Variants in PXDNL observed in about 807,000 individuals in gnomAD.
PXDNL encodes the protein probable oxidoreductase PXDNL.
PXDNL carries 145 observed loss-of-function variants against 150.8 expected under a neutral mutation model. That is an observed-to-expected ratio of 0.96 (90% CI 0.84 to 1.10). The LOEUF (loss-of-function observed/expected upper bound fraction) is 1.10. Among genes scored for constraint, PXDNL ranks in the 50% least tolerant of loss-of-function variants. The pLI, the probability that PXDNL is intolerant of heterozygous loss-of-function variation, is 0.00. For missense variants in PXDNL, 2,087 were observed against 1,873.9 expected, an observed-to-expected ratio of 1.11 and a Z score of -2.10; for synonymous variants, 757 against 725.7, an observed-to-expected ratio of 1.04 and a Z score of -0.69.
At chr8:51,397,407 AT>A (rs1808113032) in intron 17 of PXDNL, among the ~76,000 whole-genome samples, 1 of 152,192 alleles carries the variant, frequency 6.6e-6, no homozygotes, top group Non-Finnish European at 1.5e-5. Flanking sequence ...GCCACAGGAA[AT>A]ATAATACCTC....
At chr8:51,712,145 T>C (rs1816515743) in intron 1 of PXDNL, among the ~76,000 whole-genome samples, 1 of 152,210 alleles carries the variant, frequency 6.6e-6, no homozygotes, top group Non-Finnish European at 1.5e-5. Flanking sequence ...TGTCATTGTC[T>C]GGGTGTGGTA....
chr8:51,463,269 C>A (rs1810124411), intron 8 of PXDNL, among the ~76,000 whole-genome samples: 1 of 152,128 alleles, frequency 6.6e-6, no homozygotes, highest in African/African-American at 2.4e-5. Context: ...ATCAAAACAT[C>A]ACATATCAAT....
At chr8:51,723,796 C>T (rs1354520160) in intron 1 of PXDNL, among the ~76,000 whole-genome samples, 1 of 151,994 alleles carries the variant, frequency 6.6e-6, no homozygotes, top group Non-Finnish European at 1.5e-5. Flanking sequence ...AGGGAGGGGG[C>T]GCGGTCAGGC....
intron 19 of PXDNL, among the ~76,000 whole-genome samples, chr8:51,369,399 A>C (rs1162720815): frequency 6.6e-6 from 1 of 152,346 alleles, no homozygotes; most frequent in East Asian, 1.9e-4. Context: ...TAAGAAGCCC[A>C]TCCCATAAGA....
chr8:51,538,618 T>G (rs1049364578), intron 4 of PXDNL, among the ~76,000 whole-genome samples: 1 of 151,882 alleles, frequency 6.6e-6, no homozygotes, highest in African/African-American at 2.4e-5. Flanking sequence ...ATACAAAAAA[T>G]TAGGCGAGTC....
chr8:51,647,156 G>C (rs1159102378), intron 2 of PXDNL, among the ~76,000 whole-genome samples: 3 of 152,058 alleles, frequency 2.0e-5, no homozygotes, highest in Non-Finnish European at 4.4e-5. Flanking sequence ...CAAATGATAA[G>C]AAGTCTCTAA....
At chr8:51,399,181 A>C (rs1255528895) in intron 17 of PXDNL, among the ~76,000 whole-genome samples, 2 of 152,204 alleles carry the variant, frequency 1.3e-5, no homozygotes, top group Non-Finnish European at 2.9e-5. Flanking sequence ...GCAGTTTCTT[A>C]TAAAGTTAAA....
intron 1 of PXDNL, among the ~76,000 whole-genome samples, chr8:51,765,123 T>C (rs555785496): frequency 4.6e-5 from 7 of 152,208 alleles, no homozygotes; most frequent in South Asian, 2.1e-4. Flanking sequence ...GGTTACTACT[T>C]GCACGGTTGA....
chr8:51,768,394 G>A (rs766788427), intron 1 of PXDNL, among the ~76,000 whole-genome samples: 5 of 151,870 alleles, frequency 3.3e-5, no homozygotes, highest in Non-Finnish European at 7.4e-5. Context: ...TGATAATTAA[G>A]GCTTTATATG....
chr8:51,567,365 C>T (rs1812849739), intron 3 of PXDNL, among the ~76,000 whole-genome samples: 1 of 151,792 alleles, frequency 6.6e-6, no homozygotes, highest in Non-Finnish European at 1.5e-5. Flanking sequence ...CTGATAGAGG[C>T]ATGTTGAAGC....
intron 8 of PXDNL, among the ~76,000 whole-genome samples, chr8:51,458,801 C>G (rs1466031461): frequency 6.6e-6 from 1 of 152,112 alleles, no homozygotes. Flanking sequence ...CTTATCTAAC[C>G]ATTTTTTGTT....
At chr8:51,487,046 G>C (rs1383924205) in intron 5 of PXDNL, among the ~76,000 whole-genome samples, 1 of 151,556 alleles carries the variant, frequency 6.6e-6, no homozygotes, top group South Asian at 2.1e-4. Flanking sequence ...GCCCGCCCCG[G>C]CTTCCCAAAG....
intron 1 of PXDNL, among the ~76,000 whole-genome samples, chr8:51,668,471 G>A (rs1373369878): frequency 6.6e-6 from 1 of 151,918 alleles, no homozygotes; most frequent in African/African-American, 2.4e-5. Flanking sequence ...CACCATGCCT[G>A]GCCACCAGGC....
intron 17 of PXDNL, among the ~76,000 whole-genome samples, chr8:51,391,791 T>C (rs1312423593): frequency 6.6e-6 from 1 of 152,180 alleles, no homozygotes; most frequent in Non-Finnish European, 1.5e-5. Flanking sequence ...GCTTTTGGTG[T>C]TTTAGACATG....
At chr8:51,801,607 T>C (rs1265818631) in intron 1 of PXDNL, among the ~76,000 whole-genome samples, 6 of 152,152 alleles carry the variant, frequency 3.9e-5, no homozygotes, top group Non-Finnish European at 7.4e-5. Flanking sequence ...TTTCTCAGAC[T>C]GGCTGACACT....
At chr8:51,719,518 T>C (rs529177038) in intron 1 of PXDNL, among the ~76,000 whole-genome samples, 1 of 152,116 alleles carries the variant, frequency 6.6e-6, no homozygotes, top group African/African-American at 2.4e-5. Flanking sequence ...GGCCGCAGGG[T>C]CCCCTGCCTA....
At position 51,782,162 on chromosome 8, in the gene PXDNL, G is replaced by C. The variant is rs768988095; in HGVS notation, c.164+27019C>G. Among the ~76,000 whole-genome samples the C allele has an allele frequency of 5.9e-5, 9 of 152,242 alleles. No homozygotes were observed. The South Asian group carries it at 1.2e-3, about 21-fold the overall frequency. On this transcript the variant is annotated intron_variant, in intron 1 of 22. Coordinates refer to ENST00000356297, the MANE Select transcript of PXDNL (RefSeq NM_144651.5). ...GCCCACCCACAGCCTCCGGGGGCTG[G>C]ACTCTTACAAGGGGCCTACTGCTCC...
chr8:51,435,880 C>G (rs1809392878), intron 12 of PXDNL: 1 of 468,312 alleles, frequency 2.1e-6, no homozygotes, highest in South Asian at 1.7e-5. Context: ...AAAGCAGATA[C>G]TAAAATGGAT....
At chr8:51,359,874 G>T (rs1023641451) in intron 19 of PXDNL, among the ~76,000 whole-genome samples, 1 of 152,114 alleles carries the variant, frequency 6.6e-6, no homozygotes, top group Non-Finnish European at 1.5e-5. Context: ...AGGAACACTG[G>T]CAAAGAATGG....
Sources: gnomAD v4.1 joint callset for allele counts (sites outside exome capture counted in the v4.1 genomes callset) on GRCh38, gnomAD v4.1.1 for gene constraint, MANE v1.5 for transcripts, NCBI Gene and HGNC (gene_info 2026-07-23, HGNC 2026-07-21) for gene names.